The following COX7A2 variants were observed in gnomAD, a reference collection of about 807,000 sequenced individuals.
COX7A2 encodes cytochrome c oxidase subunit 7A2.
A neutral mutation model predicts 11.6 loss-of-function variants in COX7A2; 11 were observed. The observed-to-expected ratio is 0.95, with a 90% confidence interval of 0.60 to 1.57. COX7A2 has a LOEUF of 1.57. Ranked by LOEUF, COX7A2 falls within the 40% of genes most tolerant of loss-of-function variation. COX7A2 has a pLI of 0.00. For synonymous variants in COX7A2, 30 were observed against 38.2 expected (o/e 0.78, Z 0.79); for missense variants, 106 against 100.9 (o/e 1.05, Z -0.22).
chr6:75,242,196 A>G (rs548770187), intron 1 of COX7A2, among the ~76,000 whole-genome samples: 277 of 149,808 alleles, frequency 1.8e-3, no homozygotes, highest in African/African-American at 6.6e-3. Context: ...GTGAAACTCC[A>G]TCTCAAAAAA....
At chr6:75,246,775 T>C (rs1445647046), upstream of COX7A2, among the ~76,000 whole-genome samples, 1 of 152,236 alleles carries the variant, frequency 6.6e-6, no homozygotes, top group African/African-American at 2.4e-5. Context: ...ATTCATTATC[T>C]TCTTGCTCCT....
At position 75,240,070 on chromosome 6, in the gene COX7A2, C is replaced by T. The variant is rs372320016; in HGVS notation, c.193+231G>A. ...GAGCCGAGATCGCGCCATTGCAATC[C>T]AGCCTGGGCAACAGGAGCAAAACTC... On this transcript the variant is annotated intron_variant, in intron 3 of 3. Coordinates refer to ENST00000684430, the MANE Select transcript of COX7A2 (RefSeq NM_001366293.2). Among the ~76,000 whole-genome samples, 72 of 151,984 alleles carry T rather than the reference C, an allele frequency of 4.7e-4. 3 individuals are homozygous for T. In the South Asian group the frequency reaches 0.012, roughly 26 times the overall value.
chr6:75,244,384 C>G (rs528956510), upstream of COX7A2, among the ~76,000 whole-genome samples: 154 of 152,240 alleles, frequency 1.0e-3, 1 homozygote, highest in African/African-American at 3.5e-3. Flanking sequence ...ACAGTGTCCC[C>G]AAATTGTGGA....
chr6:75,238,736 A>C (rs1320077385), intron 3 of COX7A2, among the ~76,000 whole-genome samples: 2 of 150,038 alleles, frequency 1.3e-5, no homozygotes, highest in East Asian at 2.0e-4. Flanking sequence ...AAAGCTGATA[A>C]CTGGAATTTC....
chr6:75,250,043 G>A (rs66550001), intron 1 of COX7A2: 3,471 of 146,762 alleles, frequency 0.024, 82 homozygotes, highest in East Asian at 0.11. Flanking sequence ...GAGAGCTAGG[G>A]TTTCTGGCTT....
upstream of COX7A2, among the ~76,000 whole-genome samples, chr6:75,244,791 C>T (rs1163799360): frequency 6.6e-6 from 1 of 152,100 alleles, no homozygotes; most frequent in African/African-American, 2.4e-5. Context: ...TCACAATCTA[C>T]TGTATGTCAA....
chr6:75,243,834 C>A, upstream of COX7A2: 3 of 1,613,550 alleles, frequency 1.9e-6, no homozygotes, highest in Non-Finnish European at 2.5e-6. Flanking sequence ...TATGCATTCA[C>A]GAACTTAAAT....
chr6:75,238,853 T>C (rs1771402768), intron 3 of COX7A2, among the ~76,000 whole-genome samples: 1 of 151,816 alleles, frequency 6.6e-6, no homozygotes, highest in Admixed American at 6.6e-5. Flanking sequence ...TCTCCCTCTG[T>C]CGCCCAGGCT....
chr6:75,245,470 GAC>G (rs201183157), upstream of COX7A2, among the ~76,000 whole-genome samples: 61 of 133,578 alleles, frequency 4.6e-4, no homozygotes, highest in East Asian at 6.7e-3. Context: ...CAGCCTGGGC[GAC>G]AGAGTGAGAC....
intron 1 of COX7A2, 56 bp downstream of exon 1, chr6:75,243,655 TGCCTCA>T: frequency 6.6e-7 from 1 of 1,519,436 alleles, no homozygotes; most frequent in Non-Finnish European, 9.1e-7. Flanking sequence ...TCTGTCGTGG[TGCCTCA>T]GCCTCCTCTC....
intron 1 of COX7A2, among the ~76,000 whole-genome samples, chr6:75,242,513 A>G (rs535385651): frequency 1.3e-5 from 2 of 151,984 alleles, no homozygotes; most frequent in South Asian, 4.2e-4. Context: ...CTCAAAAAAT[A>G]AAAATAAAAA....
At chr6:75,249,193 C>T (rs139371259) in intron 1 of COX7A2, among the ~76,000 whole-genome samples, 288 of 152,256 alleles carry the variant, frequency 1.9e-3, no homozygotes, top group African/African-American at 6.4e-3. Context: ...GCCAAGATCA[C>T]GCCACTGCAC....
intron 1 of COX7A2, among the ~76,000 whole-genome samples, chr6:75,243,208 C>T (rs1771574502): frequency 6.6e-6 from 1 of 152,144 alleles, no homozygotes; most frequent in Non-Finnish European, 1.5e-5. Flanking sequence ...AATCGCCTGA[C>T]GGAAATAACA....
chr6:75,244,713 T>C (rs1036795544), upstream of COX7A2, among the ~76,000 whole-genome samples: 9 of 152,302 alleles, frequency 5.9e-5, no homozygotes, highest in African/African-American at 2.2e-4. Context: ...AAGAAACCCA[T>C]AGTTTCAGCA....
At chr6:75,243,260 T>C (rs1405726899) in intron 1 of COX7A2, among the ~76,000 whole-genome samples, 1 of 152,210 alleles carries the variant, frequency 6.6e-6, no homozygotes, top group Non-Finnish European at 1.5e-5. Context: ...CCACCCAAAA[T>C]TGAATGGCTT....
chr6:75,243,801 C>G lies in COX7A2; in HGVS notation c.-67G>C. 6.2e-7 allele frequency: 1 copy of G among 1,614,108 alleles called. No homozygotes were observed. The highest frequency in any genetic ancestry group is 8.5e-7 in the Non-Finnish European group (1 of 1,179,982). The stretch of plus-strand genomic sequence containing the variant: ...CCAACGAAAATGGCCACGCCGGAAC[C>G]GGAACTACCTCCGAGTCTTGCGTAT... On this transcript the variant is annotated 5_prime_UTR_variant, in exon 1 of 4. Transcript: ENST00000684430.
rs959036597 is a variant in COX7A2, at chr6:75,240,209, C to A, written c.193+92G>T. On this transcript the variant is annotated intron_variant, in intron 3 of 3. Coordinates refer to ENST00000684430, the MANE Select transcript of COX7A2 (RefSeq NM_001366293.2). ...TCAAATTCTGGAGACAAACTGCCTG[C>A]ATTAAAATACTGGCATAGCAAAAGC... is the stretch of plus-strand genomic sequence containing the variant. 11 of 892,026 alleles carry A rather than the reference C, an allele frequency of 1.2e-5. No individual in the cohort carries two copies. The African/African-American group carries it at 1.8e-4, about 15-fold the overall frequency. 55.3% of individuals were successfully genotyped at this position (892,026 alleles called of 1,614,324 possible).
upstream of COX7A2, among the ~76,000 whole-genome samples, chr6:75,245,664 T>C (rs1771666342): frequency 6.6e-6 from 1 of 152,280 alleles, no homozygotes; most frequent in African/African-American, 2.4e-5. Flanking sequence ...TACCATCCTA[T>C]AGATTTCTTT....
chr6:75,246,852 T>C (rs1434733192), upstream of COX7A2, among the ~76,000 whole-genome samples: 8 of 152,220 alleles, frequency 5.3e-5, no homozygotes, highest in South Asian at 1.2e-3. Flanking sequence ...TAACAAACTT[T>C]ATTGCATCTT....
Sources: gnomAD v4.1 joint callset for allele counts (sites outside exome capture counted in the v4.1 genomes callset) on GRCh38, gnomAD v4.1.1 for gene constraint, MANE v1.5 for transcripts, NCBI Gene and HGNC (gene_info 2026-07-23, HGNC 2026-07-21) for gene names.